Variants in MLLT10 observed in about 807,000 individuals in gnomAD.
MLLT10 encodes protein AF-10.
A neutral mutation model predicts 129.1 loss-of-function variants in MLLT10; 30 were observed. The ratio of observed to expected loss-of-function variants is 0.23; its 90% CI spans 0.17 to 0.32. The LOEUF is 0.32. Ranked by LOEUF, MLLT10 falls within the 10% of genes least tolerant of loss-of-function variation. The pLI is 1.00. For synonymous variants in MLLT10, 490 were observed against 446.4 expected (o/e 1.10, Z -1.23); for missense variants, 1,119 against 1,268.3 (o/e 0.88, Z 1.79).
At chr10:21,631,676 A>G (rs1257600645) in intron 8 of MLLT10, among the ~76,000 whole-genome samples, 1 of 152,138 alleles carries the variant, frequency 6.6e-6, no homozygotes, top group East Asian at 1.9e-4. Context: ...GAAAATGAAG[A>G]GGGAAAGTTT....
chr10:21,697,551 G>A (rs2054498251), intron 13 of MLLT10, among the ~76,000 whole-genome samples: 1 of 152,154 alleles, frequency 6.6e-6, no homozygotes, highest in Admixed American at 6.5e-5. Context: ...GTGTTCAATT[G>A]TATAGATCAT....
intron 9 of MLLT10, chr10:21,669,003 G>A: frequency 7.3e-7 from 1 of 1,378,992 alleles, no homozygotes; most frequent in Non-Finnish European, 9.6e-7. Context: ...ATGAGGTGGG[G>A]TGGTTTCCAA....
chr10:21,635,912 C>T (rs1340125560), intron 8 of MLLT10, among the ~76,000 whole-genome samples: 3 of 149,050 alleles, frequency 2.0e-5, no homozygotes, highest in East Asian at 2.0e-4. Context: ...AAGCGTGAGC[C>T]GCTGCACCTG....
intron 8 of MLLT10, among the ~76,000 whole-genome samples, chr10:21,630,163 A>G (rs556646327): frequency 1.8e-4 from 28 of 152,312 alleles, no homozygotes; most frequent in African/African-American, 6.5e-4. Context: ...CAGATTGGGT[A>G]TACAAATAAG....
chr10:21,724,093 AC>A (rs1322026927), intron 14 of MLLT10, among the ~76,000 whole-genome samples: 1 of 152,226 alleles, frequency 6.6e-6, no homozygotes, highest in Non-Finnish European at 1.5e-5. Flanking sequence ...GTTATAACTT[AC>A]CTTTTCCCGA....
intron 3 of MLLT10, among the ~76,000 whole-genome samples, chr10:21,542,960 T>C (rs1434209412): frequency 4.6e-5 from 7 of 151,046 alleles, no homozygotes; most frequent in African/African-American, 1.7e-4. Context: ...TTAAGGTTTT[T>C]TTTTTGTTTT....
chr10:21,613,744 A>G (rs942209904), intron 6 of MLLT10, among the ~76,000 whole-genome samples: 1 of 151,888 alleles, frequency 6.6e-6, no homozygotes, highest in Non-Finnish European at 1.5e-5. Flanking sequence ...CTCTACTACA[A>G]ATATGAAGAA....
chr10:21,653,035 G>T (rs568703633), intron 9 of MLLT10, among the ~76,000 whole-genome samples: 1 of 152,206 alleles, frequency 6.6e-6, no homozygotes, highest in South Asian at 2.1e-4. Context: ...GGCATAGCAG[G>T]TTGAGGGGAA....
chr10:21,706,146 T>C (rs2055472748), intron 13 of MLLT10, among the ~76,000 whole-genome samples: 1 of 152,226 alleles, frequency 6.6e-6, no homozygotes, highest in African/African-American at 2.4e-5. Flanking sequence ...TTTTGGTTCT[T>C]AGTGGAAGAG....
At chr10:21,689,601 TTA>T (rs71393920) in intron 13 of MLLT10, among the ~76,000 whole-genome samples, 28,732 of 130,280 alleles carry the variant, frequency 0.22, 3,714 homozygotes, top group Middle Eastern at 0.41. Flanking sequence ...CGTGTGTGTT[TTA>T]TATATATATA....
At chr10:21,581,044 A>AT (rs35410894) in intron 3 of MLLT10, among the ~76,000 whole-genome samples, 3,243 of 128,744 alleles carry the variant, frequency 0.025, 52 homozygotes, top group Non-Finnish European at 0.035. Flanking sequence ...TGTTCAGTGA[A>AT]TTTTTTTTTT....
chr10:21,734,859 G>A (rs1025333847), intron 20 of MLLT10, among the ~76,000 whole-genome samples: 2 of 152,118 alleles, frequency 1.3e-5, no homozygotes, highest in Admixed American at 6.5e-5. Flanking sequence ...ACGCTTGTTA[G>A]AAACACATGT....
intron 5 of MLLT10, among the ~76,000 whole-genome samples, chr10:21,604,076 A>G (rs978753723): frequency 7.2e-5 from 11 of 152,168 alleles, no homozygotes; most frequent in Non-Finnish European, 1.5e-4. Flanking sequence ...AGTTCAACCC[A>G]TAGCAGTCTG....
At chr10:21,666,617 C>T (rs527499155) in intron 9 of MLLT10, among the ~76,000 whole-genome samples, 5 of 151,304 alleles carry the variant, frequency 3.3e-5, no homozygotes, top group South Asian at 2.1e-4. Flanking sequence ...GAGCTCAGAT[C>T]GCACTACTGC....
chr10:21,624,630 G>C, intron 8 of MLLT10: 2 of 1,441,606 alleles, frequency 1.4e-6, no homozygotes, highest in Non-Finnish European at 9.4e-7. Context: ...TAAAATTCCT[G>C]GTTGTCATTA....
At chr10:21,590,148 C>T (rs1464067947) in intron 4 of MLLT10, among the ~76,000 whole-genome samples, 6 of 151,882 alleles carry the variant, frequency 4.0e-5, no homozygotes, top group East Asian at 1.9e-4. Flanking sequence ...ACTTTGTTGC[C>T]GAGGGTCGTC....
chr10:21,534,749 C>T lies in MLLT10; in HGVS notation c.105C>T (p.Ala35=). 1 of 1,612,966 alleles carries T rather than the reference C, an allele frequency of 6.2e-7. No homozygotes were observed. Among genetic ancestry groups the T allele is most frequent in the Non-Finnish European group, 8.5e-7 (1 of 1,179,336 alleles). ...CCVCSDERGW[A]ENPLVYCDGH... ...TTTGCTCAGACGAGAGAGGCTGGGC[C>T]GAGAACCCGCTGGTTTATTGCGACG... Residue 35 remains alanine (A), a synonymous_variant, in exon 2 of 23, where the codon GCC becomes GCT. Coordinates refer to ENST00000307729, the MANE Select transcript of MLLT10 (RefSeq NM_001195626.3).
chr10:21,673,480 A>T lies in MLLT10; in HGVS notation c.1182A>T (p.Ser394=). 1 of 1,614,026 alleles carries T rather than the reference A, an allele frequency of 6.2e-7. No homozygotes were observed. Among genetic ancestry groups the T allele is most frequent in the Non-Finnish European group, 8.5e-7 (1 of 1,180,006 alleles). ...GTTACTCTCACTCCCAACAGTCATC[A>T]GCAACCAAAGATGTACATAAAGGAG... ...NDSYSHSQQS[S]ATKDVHKGES... Residue 394 remains serine, a synonymous_variant, in exon 11 of 23, where the codon TCA becomes TCT. Transcript: ENST00000307729.
intron 13 of MLLT10, among the ~76,000 whole-genome samples, chr10:21,699,106 C>T (rs2054647598): frequency 6.6e-6 from 1 of 152,294 alleles, no homozygotes; most frequent in East Asian, 1.9e-4. Flanking sequence ...AACTCCTGAC[C>T]TCAGGTGATC....
Sources: gnomAD v4.1 joint callset for allele counts (sites outside exome capture counted in the v4.1 genomes callset) on GRCh38, gnomAD v4.1.1 for gene constraint, MANE v1.5 for transcripts, NCBI Gene and HGNC (gene_info 2026-07-23, HGNC 2026-07-21) for gene names.